The following CEMIP variants were observed in gnomAD, a reference collection of about 807,000 sequenced individuals.
The protein encoded by CEMIP is cell migration-inducing and hyaluronan-binding protein.
A neutral mutation model predicts 156.9 loss-of-function variants in CEMIP; 105 were observed. The ratio of observed to expected loss-of-function variants is 0.67; its 90% CI spans 0.57 to 0.79. The LOEUF (loss-of-function observed/expected upper bound fraction) is 0.79. CEMIP is among the 30% of genes least tolerant of loss of function. CEMIP has a pLI of 0.00. For missense variants in CEMIP, 1,457 were observed against 1,769.4 expected, an observed-to-expected ratio of 0.82 and a Z score of 3.17; for synonymous variants, 676 against 668.4, an observed-to-expected ratio of 1.01 and a Z score of -0.17.
intron 1 of CEMIP, among the ~76,000 whole-genome samples, chr15:80,812,158 C>T (rs544154338): frequency 6.6e-6 from 1 of 152,122 alleles, no homozygotes; most frequent in Non-Finnish European, 1.5e-5. Flanking sequence ...GGATTACAGG[C>T]GCATGACACC....
Position 80,779,471 on chromosome 15 carries a change from G to A in CEMIP, c.-319G>A, listed in dbSNP as rs796310020. On this transcript the variant is annotated 5_prime_UTR_variant, in exon 1 of 30. Transcript: ENST00000394685. Reference sequence around the variant, plus strand: ...GCGGGGCTGAGCGCGGCCAGGGTCTGAACCCAGATTTCCCAGACTAGCTAC... The same window carrying A: ...GCGGGGCTGAGCGCGGCCAGGGTCTAAACCCAGATTTCCCAGACTAGCTAC... The A allele has an allele frequency of 3.9e-5, 6 of 152,382 alleles. No homozygotes were observed. The highest frequency in any genetic ancestry group is 1.4e-4 in the African/African-American group (6 of 41,570). 9.4% of individuals were successfully genotyped at this position (152,382 alleles called of 1,614,324 possible).
intron 6 of CEMIP, 85 bp from the exon 7 acceptor site, chr15:80,884,085 GTTAGC>G (rs989263038): frequency 2.8e-5 from 35 of 1,257,752 alleles, no homozygotes; most frequent in Non-Finnish European, 3.9e-5. Flanking sequence ...CGGATAGCAT[GTTAGC>G]TGTCGCAGCA....
chr15:80,935,887 T>G (rs746544418), intron 23 of CEMIP, among the ~76,000 whole-genome samples: 1 of 152,186 alleles, frequency 6.6e-6, no homozygotes, highest in Non-Finnish European at 1.5e-5. Context: ...TACAAGCATG[T>G]GCCACCATGC....
chr15:80,870,249 G>T (rs1596146089), intron 1 of CEMIP, among the ~76,000 whole-genome samples: 1 of 152,176 alleles, frequency 6.6e-6, no homozygotes, highest in South Asian at 2.1e-4. Context: ...GGTAGGGACG[G>T]GGATGGCTGT....
At chr15:80,920,921 G>C (rs906600051) in intron 15 of CEMIP, 111 bp from the exon 16 acceptor site, 3 of 824,912 alleles carry the variant, frequency 3.6e-6, no homozygotes, top group African/African-American at 1.7e-5. Context: ...TCAGATCTCT[G>C]ATAAGAGACT....
chr15:80,865,118 C>T (rs1898089070), intron 1 of CEMIP, among the ~76,000 whole-genome samples: 1 of 152,180 alleles, frequency 6.6e-6, no homozygotes, highest in Non-Finnish European at 1.5e-5. Flanking sequence ...AGCCCCTAAC[C>T]ATATACAAGC....
chr15:80,927,102 T>G (rs535521369), intron 19 of CEMIP, among the ~76,000 whole-genome samples: 413 of 152,356 alleles, frequency 2.7e-3, no homozygotes, highest in Non-Finnish European at 4.5e-3. Flanking sequence ...GTGCTGGGAT[T>G]ACAGGCGTGA....
chr15:80,809,713 G>A (rs191345171), intron 1 of CEMIP, among the ~76,000 whole-genome samples: 1 of 152,284 alleles, frequency 6.6e-6, no homozygotes, highest in East Asian at 1.9e-4. Context: ...GCCCTTTCTT[G>A]TAGTTTGCTG....
chr15:80,926,831 G>T lies in CEMIP; in HGVS notation c.2420+1076G>T, dbSNP rs1205651944. Reference sequence around the variant, plus strand: ...GAGACTGAGCGGGTGGGGGGGGGGGGTCTTCTTTTTTTTTTTTGAGATGGA... The same window carrying T: ...GAGACTGAGCGGGTGGGGGGGGGGGTTCTTCTTTTTTTTTTTTGAGATGGA... On this transcript the variant is annotated intron_variant, in intron 19 of 29. Transcript: ENST00000394685. Among the ~76,000 whole-genome samples the T allele has an allele frequency of 4.7e-4, 50 of 106,600 alleles. 1 individual carries two copies. The highest frequency in any genetic ancestry group is 4.4e-3 in the Middle Eastern group (1 of 226). The allele number at this position is 106,600 out of a possible 152,430, so 69.9% of individuals were successfully genotyped here.
At chr15:80,938,326 G>A in intron 25 of CEMIP, 1 of 290,600 alleles carries the variant, frequency 3.4e-6, no homozygotes, top group Non-Finnish European at 6.7e-6. Flanking sequence ...ATTAAGAGAT[G>A]GGCAGCTGGG....
At chr15:80,864,301 G>A (rs1898063570) in intron 1 of CEMIP, among the ~76,000 whole-genome samples, 1 of 152,216 alleles carries the variant, frequency 6.6e-6, no homozygotes, top group South Asian at 2.1e-4. Context: ...ACAGGGGTGA[G>A]TTTCCTGCAT....
Position 80,880,948 on chromosome 15 carries a change from T to C in CEMIP, c.429T>C (p.Ile143=). 6.2e-7 allele frequency: 1 copy of C among 1,614,196 alleles called. No individual in the cohort carries two copies. The highest frequency in any genetic ancestry group is 8.5e-7 in the Non-Finnish European group (1 of 1,180,036). The change falls in exon 6 of 30, where the codon ATT becomes ATC. Residue 143 remains isoleucine (I), a synonymous_variant. Coordinates refer to ENST00000394685, the MANE Select transcript of CEMIP (RefSeq NM_001293298.2). ...QPDPYYGLKY[I]GVGKGGALEL... ...ATCCTTACTATGGTCTGAAGTACAT[T>C]GGGGTTGGTAAAGGAGGCGCTCTTG...
intron 1 of CEMIP, among the ~76,000 whole-genome samples, chr15:80,866,806 T>G (rs1898142170): frequency 6.7e-6 from 1 of 148,824 alleles, no homozygotes; most frequent in Non-Finnish European, 1.5e-5. Context: ...AAAAAGACTC[T>G]ATGGATACAT....
At chr15:80,917,250 T>C (rs1200051903) in intron 14 of CEMIP, among the ~76,000 whole-genome samples, 1 of 151,894 alleles carries the variant, frequency 6.6e-6, no homozygotes, top group Admixed American at 6.6e-5. Context: ...ATCCACACAG[T>C]AGAGTAAATG....
intron 1 of CEMIP, among the ~76,000 whole-genome samples, chr15:80,815,924 T>C (rs1315056537): frequency 1.3e-5 from 2 of 152,178 alleles, no homozygotes; most frequent in African/African-American, 2.4e-5. Context: ...GAAACTTTCC[T>C]TGGCCGAGGA....
intron 3 of CEMIP, 52 bp downstream of exon 3, chr15:80,874,025 C>T (rs1332173589): frequency 6.7e-7 from 1 of 1,491,796 alleles, no homozygotes; most frequent in South Asian, 1.2e-5. Context: ...AAGGCACGGC[C>T]CCTCACTGGA....
At chr15:80,881,454 A>G (rs1330309941) in intron 6 of CEMIP, among the ~76,000 whole-genome samples, 1 of 152,232 alleles carries the variant, frequency 6.6e-6, no homozygotes, top group African/African-American at 2.4e-5. Flanking sequence ...GGTCAGGGAA[A>G]GGCAGTGTAA....
intron 4 of CEMIP, 64 bp from the exon 5 acceptor site, chr15:80,879,652 G>A: frequency 6.2e-7 from 1 of 1,604,340 alleles, no homozygotes; most frequent in South Asian, 1.1e-5. Context: ...TCTGCCCTTG[G>A]CTCTGATATA....
Position 80,929,251 on chromosome 15 carries a change from G to C in CEMIP, c.2612+77G>C, listed in dbSNP as rs1307989659. Reference sequence around the variant, plus strand: ...CTGTGATGGAAGGGAAAAAGTTAATGGGTAGTTTCTACCTGTTGACTATGA... The same window carrying C: ...CTGTGATGGAAGGGAAAAAGTTAATCGGTAGTTTCTACCTGTTGACTATGA... On this transcript the variant is annotated intron_variant, in intron 21 of 29. Coordinates refer to ENST00000394685, the MANE Select transcript of CEMIP (RefSeq NM_001293298.2). The C allele has an allele frequency of 1.9e-6, 3 of 1,539,040 alleles. No homozygotes were observed. In the African/African-American group the frequency reaches 4.1e-5, roughly 21 times the overall value.
Sources: allele counts gnomAD v4.1 joint callset (sites outside exome capture counted in the v4.1 genomes callset), GRCh38; gene constraint gnomAD v4.1.1; transcripts MANE v1.5; gene names NCBI Gene and HGNC (gene_info 2026-07-23, HGNC 2026-07-21).